The following MBD1 variants were observed in gnomAD, a reference collection of about 807,000 sequenced individuals.
The protein encoded by MBD1 is methyl-CpG binding domain protein 1.
In MBD1, 25 loss-of-function variants were observed where a neutral mutation model predicts 82.6. The observed-to-expected ratio is 0.30, with a 90% CI of 0.22 to 0.42. MBD1 has a LOEUF of 0.42. Ranked by LOEUF, MBD1 falls within the 10% of genes least tolerant of loss-of-function variation. The probability of loss-of-function intolerance (pLI) is 1.00; values close to 1 mark genes in which losing one functional copy is unlikely to be tolerated. For synonymous variants in MBD1, 301 were observed against 303.7 expected (o/e 0.99, Z 0.09); for missense variants, 627 against 819.6 (o/e 0.76, Z 2.87).
chr18:50,272,989 G>A (rs2036249173), intron 13 of MBD1, 34 bp from the exon 14 acceptor site: 3 of 1,613,574 alleles, frequency 1.9e-6, no homozygotes, highest in South Asian at 2.2e-5. Flanking sequence ...ACCATTAGAA[G>A]GGCAGAGTTC....
chr18:50,267,973 T>C (rs151281471), downstream of MBD1, among the ~76,000 whole-genome samples: 644 of 152,394 alleles, frequency 4.2e-3, 4 homozygotes, highest in South Asian at 0.036. Context: ...TCTGTCATTT[T>C]GTGTTCTTTT....
chr18:50,281,450 C>G lies in MBD1; in HGVS notation c.-113G>C. On this transcript the variant is annotated 5_prime_UTR_variant, in exon 1 of 17. Transcript: ENST00000269468. ...CTCCTGCACCTCCCGCCTCGCCCTC[C>G]TCCCCTTCCTCCTCCTCCGCGGCCG... 1.7e-6 allele frequency: 1 copy of G among 591,638 alleles called. No individual in the cohort carries two copies. The highest frequency in any genetic ancestry group is 3.0e-6 in the Non-Finnish European group (1 of 331,488). 36.6% of individuals were successfully genotyped at this position (591,638 alleles called of 1,614,324 possible).
At chr18:50,270,585 G>A in intron 16 of MBD1, 1 of 332,914 alleles carries the variant, frequency 3.0e-6, no homozygotes, top group South Asian at 2.4e-5. Context: ...GGGAGTCAGG[G>A]TAACAAGCAA....
At position 50,275,190 on chromosome 18, in the gene MBD1, CGCCGCCTG is replaced by C; in HGVS notation, c.840_847del (p.Arg281ProfsTer111). ...TGGAGGCAGTGGCTGGGCTCCGGGG[CGCCGCCTG>C]GCAGCCATCTTGGAGTCACAGCCTC... On this transcript the variant is annotated frameshift_variant, in exon 9 of 17. Coordinates refer to ENST00000269468, the MANE Select transcript of MBD1 (RefSeq NM_015846.4). LOFTEE classifies it high-confidence loss of function. 6.2e-7 allele frequency: 1 copy of C among 1,614,062 alleles called. No homozygotes were observed. Among genetic ancestry groups the C allele is most frequent in the South Asian group, 1.1e-5 (1 of 91,072 alleles).
downstream of MBD1, among the ~76,000 whole-genome samples, chr18:50,268,366 C>T (rs2034204188): frequency 6.6e-6 from 1 of 152,264 alleles, no homozygotes. Context: ...CTCGAACGTC[C>T]TAGGTCGTCG....
chr18:50,274,504 C>T (rs746232490), intron 10 of MBD1, 151 bp from the exon 11 acceptor site: 29 of 818,164 alleles, frequency 3.5e-5, no homozygotes, highest in African/African-American at 8.5e-5. Flanking sequence ...CCACTAGTCA[C>T]TCCTCAGCAT....
At chr18:50,273,162 G>T in intron 13 of MBD1, 172 bp downstream of exon 13, 2 of 1,230,484 alleles carry the variant, frequency 1.6e-6, no homozygotes, top group Admixed American at 2.0e-5. Context: ...AGCGGGCAAA[G>T]CTAGTTGCCT....
At chr18:50,273,907 C>T in intron 11 of MBD1, 44 bp from the exon 12 acceptor site, 1 of 1,601,690 alleles carries the variant, frequency 6.2e-7, no homozygotes, top group East Asian at 2.2e-5. Flanking sequence ...GTGTCCTGAC[C>T]AATCACATCC....
intron 16 of MBD1, chr18:50,270,934 T>C: frequency 1.5e-6 from 1 of 661,768 alleles, no homozygotes; most frequent in Non-Finnish European, 1.9e-6. Flanking sequence ...ATTGGACAAA[T>C]TAATGAGTCT....
intron 13 of MBD1, 161 bp downstream of exon 13, chr18:50,273,173 G>C: frequency 7.9e-7 from 1 of 1,261,224 alleles, no homozygotes; most frequent in Non-Finnish European, 1.1e-6. Flanking sequence ...CTAGTTGCCT[G>C]TGGGAGGTAG....
downstream of MBD1, among the ~76,000 whole-genome samples, chr18:50,268,527 G>A (rs1270547086): frequency 1.3e-5 from 2 of 152,384 alleles, no homozygotes; most frequent in East Asian, 3.9e-4. Context: ...CCCCAGGGCG[G>A]CCAGGCCAGG....
At chr18:50,277,576 CAAGTA>C (rs772358530) in intron 2 of MBD1, among the ~76,000 whole-genome samples, 28 of 145,468 alleles carry the variant, frequency 1.9e-4, no homozygotes, top group Non-Finnish European at 3.8e-4. Context: ...AAGTATATAT[CAAGTA>C]AAGAAAACAC....
intron 16 of MBD1, chr18:50,270,298 C>T: frequency 1.2e-6 from 1 of 802,160 alleles, no homozygotes; most frequent in East Asian, 2.5e-5. Flanking sequence ...TTTAAGGAGG[C>T]ACTCACTCAG....
intron 2 of MBD1, 106 bp downstream of exon 2, chr18:50,279,777 G>C (rs563674946): frequency 1.4e-6 from 2 of 1,442,264 alleles, no homozygotes; most frequent in East Asian, 2.3e-5. Context: ...AGGATTAACT[G>C]TATGTGCATA....
intron 10 of MBD1, 143 bp from the exon 11 acceptor site, chr18:50,274,496 A>T (rs1186482840): frequency 1.2e-6 from 1 of 851,444 alleles, no homozygotes; most frequent in East Asian, 2.7e-5. Context: ...CTGACTCCCC[A>T]CTAGTCACTC....
intron 13 of MBD1, 146 bp from the exon 14 acceptor site, chr18:50,273,101 T>G: frequency 8.1e-7 from 1 of 1,227,122 alleles, no homozygotes; most frequent in Non-Finnish European, 1.2e-6. Context: ...TACAAAGCTT[T>G]CCCATTCCCA....
Position 50,269,174 on chromosome 18 carries a change from A to C in MBD1, c.*677T>G, listed in dbSNP as rs1246245406. The C allele has an allele frequency of 9.6e-7, 1 of 1,037,708 alleles. No individual in the cohort carries two copies. The highest frequency in any genetic ancestry group is 1.2e-6 in the Non-Finnish European group (1 of 861,574). 64.3% of individuals were successfully genotyped at this position (1,037,708 alleles called of 1,614,324 possible). A position where few individuals can be genotyped will look rare whatever the true frequency, so the allele number is the denominator to read the frequency against. ...GACACAAAAATAGCCAGGACCAGCA[A>C]GTTTTTTCTGGGTGGGCTTCATAGA... is the stretch of plus-strand genomic sequence containing the variant. On this transcript the variant is annotated 3_prime_UTR_variant, in exon 17 of 17. Coordinates refer to ENST00000269468, the MANE Select transcript of MBD1 (RefSeq NM_015846.4).
chr18:50,272,466 G>A (rs1418608550), intron 15 of MBD1: 2 of 627,404 alleles, frequency 3.2e-6, no homozygotes, highest in East Asian at 2.8e-5. Context: ...CCCCAAAGGA[G>A]AGTCCTAACC....
chr18:50,280,639 C>A (rs913641187), intron 1 of MBD1, among the ~76,000 whole-genome samples: 1 of 151,980 alleles, frequency 6.6e-6, no homozygotes, highest in Admixed American at 6.6e-5. Context: ...TGAACAGCCC[C>A]TCATCTTTTC....
Sources: gnomAD v4.1 joint callset for allele counts (sites outside exome capture counted in the v4.1 genomes callset) on GRCh38, gnomAD v4.1.1 for gene constraint, MANE v1.5 for transcripts, NCBI Gene and HGNC (gene_info 2026-07-23, HGNC 2026-07-21) for gene names.